The following P2RY2 variants were observed in gnomAD, a reference collection of about 807,000 sequenced individuals.
P2RY2 encodes purinergic receptor P2Y2.
For missense variants in P2RY2, 567 were observed against 515.7 expected (o/e 1.10, Z -0.96); for synonymous variants, 241 against 231.9 (o/e 1.04, Z -0.35).
intron 1 of P2RY2, among the ~76,000 whole-genome samples, chr11:73,223,613 A>T (rs1227055449): frequency 2.0e-5 from 3 of 152,206 alleles, no homozygotes; most frequent in African/African-American, 4.8e-5. Flanking sequence ...AGGGGGGCTG[A>T]CTTCACCAAG....
At position 73,234,632 on chromosome 11, in the gene P2RY2, G is replaced by C. The variant is rs748004824; in HGVS notation, c.473G>C (p.Trp158Ser). ...RYARRVAGAV[W>S]VLVLACQAPV... is the part of the protein sequence containing the mutation. ...GCTCGCCGGGTGGCCGGGGCCGTGT[G>C]GGTGTTGGTGCTGGCCTGCCAGGCC... The change falls in exon 3 of 3, where the codon TGG (tryptophan) becomes TCG (serine). Residue 158 changes from tryptophan (W) to serine (S), a missense_variant. Physicochemically the swap from Trp to Ser is radical, Grantham distance 177. Coordinates refer to ENST00000393597, the MANE Select transcript of P2RY2 (RefSeq NM_002564.4). 1 of 1,573,032 alleles carries C rather than the reference G, an allele frequency of 6.4e-7. No homozygotes were observed. Among genetic ancestry groups the C allele is most frequent in the Non-Finnish European group, 8.6e-7 (1 of 1,158,700 alleles).
Position 73,238,452 on chromosome 11 carries a change from A to G in P2RY2, c.*3159A>G, listed in dbSNP as rs1464921040. Among the ~76,000 whole-genome samples the G allele has an allele frequency of 6.6e-6, 1 of 152,180 alleles. No individual in the cohort carries two copies. The highest frequency in any genetic ancestry group is 1.5e-5 in the Non-Finnish European group (1 of 68,026). On this transcript the variant is annotated 3_prime_UTR_variant, in exon 3 of 3. Coordinates refer to ENST00000393597, the MANE Select transcript of P2RY2 (RefSeq NM_002564.4). ...CCCACTTTCACCCCCTGAGGTTAGA[A>G]GAGGCCCTAAGCAACATGTTATCCA...
chr11:73,225,774 G>A (rs1036773184), intron 1 of P2RY2, among the ~76,000 whole-genome samples: 3 of 143,784 alleles, frequency 2.1e-5, no homozygotes, highest in African/African-American at 5.3e-5. Context: ...AAGGGAGGCC[G>A]TCTCTGAGCA....
At position 73,239,361 on chromosome 11, in the gene P2RY2, C is replaced by T. The variant is rs1591644786; in HGVS notation, c.*4068C>T. 2.0e-5 allele frequency: 3 copies of T among 152,284 alleles called. No homozygotes were observed. Among genetic ancestry groups the T allele is most frequent in the East Asian group, 3.8e-4 (2 of 5,198 alleles). The allele number at this position is 152,284 out of a possible 1,614,324, so 9.4% of individuals were successfully genotyped here. A position where few individuals can be genotyped will look rare whatever the true frequency, so the allele number is the denominator to read the frequency against. The stretch of plus-strand genomic sequence containing the variant: ...GCTTGGCAGTAGGTGGATTTCAGGA[C>T]CATGGGCCTGTGCTGTTTACAGAAC... On this transcript the variant is annotated 3_prime_UTR_variant, in exon 3 of 3. Coordinates refer to ENST00000393597, the MANE Select transcript of P2RY2 (RefSeq NM_002564.4).
intron 1 of P2RY2, among the ~76,000 whole-genome samples, chr11:73,224,416 C>A (rs150836064): frequency 3.5e-4 from 54 of 152,356 alleles, no homozygotes; most frequent in African/African-American, 1.2e-3. Context: ...CAGGCGCTCT[C>A]TCCTCCAGGA....
At chr11:73,227,697 G>A (rs987930915) in intron 1 of P2RY2, among the ~76,000 whole-genome samples, 1 of 152,200 alleles carries the variant, frequency 6.6e-6, no homozygotes, top group Non-Finnish European at 1.5e-5. Context: ...GAGGCTTGGA[G>A]GCTTGGCTCA....
rs141485889 is a variant in P2RY2, at chr11:73,235,256, C to A, written c.1097C>A (p.Pro366Gln). The A allele has an allele frequency of 1.3e-6, 2 of 1,585,228 alleles. No homozygotes were observed. The highest frequency in any genetic ancestry group is 1.8e-5 in the Admixed American group (1 of 55,418). ...SEDSRRTEST[P>Q]AGSENTKDIR... ...GACTCTAGGCGGACAGAGTCCACGC[C>A]GGCTGGTAGCGAGAACACTAAGGAC... Residue 366 changes from proline (P) to glutamine (Q), a missense_variant, in exon 3 of 3, where the codon CCG (proline) becomes CAG (glutamine). By Grantham distance (76) the Pro-to-Gln change is moderately conservative. Coordinates refer to ENST00000393597, the MANE Select transcript of P2RY2 (RefSeq NM_002564.4).
rs1862696764 is a variant in P2RY2, at chr11:73,238,080, G to A, written c.*2787G>A. On this transcript the variant is annotated 3_prime_UTR_variant, in exon 3 of 3. Coordinates refer to ENST00000393597, the MANE Select transcript of P2RY2 (RefSeq NM_002564.4). Reference sequence around the variant, plus strand: ...CAGCCCAGCTGCAGACTCAAGGCCAGAGATGGGCAGGGCTGAGCCCAAGGT... The same window carrying A: ...CAGCCCAGCTGCAGACTCAAGGCCAAAGATGGGCAGGGCTGAGCCCAAGGT... Among the ~76,000 whole-genome samples the A allele has an allele frequency of 1.3e-5, 2 of 152,212 alleles. No homozygotes were observed. The highest frequency in any genetic ancestry group is 4.1e-4 in the South Asian group (2 of 4,832).
chr11:73,226,323 A>T (rs185064044), intron 1 of P2RY2, among the ~76,000 whole-genome samples: 14 of 152,260 alleles, frequency 9.2e-5, no homozygotes, highest in South Asian at 4.1e-4. Context: ...TTTTCTAAGG[A>T]GGAGGAGACA....
In P2RY2 at chr11:73,234,686, C is replaced by T. The variant is rs1315795259; in HGVS notation, c.527C>T (p.Ala176Val). The change falls in exon 3 of 3, where the codon GCG (alanine) becomes GTG (valine). Residue 176 changes from alanine to valine, a missense_variant. Coordinates refer to ENST00000393597, the MANE Select transcript of P2RY2 (RefSeq NM_002564.4). ...APVLYFVTTSARGGRVTCHDT... is the reference protein window; with the variant it reads ...APVLYFVTTSVRGGRVTCHDT... Reference sequence around the variant, plus strand: ...GTGCTCTACTTTGTCACCACCAGCGCGCGCGGGGGCCGCGTAACCTGCCAC... The same window carrying T: ...GTGCTCTACTTTGTCACCACCAGCGTGCGCGGGGGCCGCGTAACCTGCCAC... 4 of 1,601,822 alleles carry T rather than the reference C, an allele frequency of 2.5e-6. No individual in the cohort carries two copies. The highest frequency in any genetic ancestry group is 3.4e-6 in the Non-Finnish European group (4 of 1,175,192).
intron 1 of P2RY2, among the ~76,000 whole-genome samples, chr11:73,218,975 C>G (rs1054692789): frequency 6.6e-6 from 1 of 152,152 alleles, no homozygotes; most frequent in Non-Finnish European, 1.5e-5. Context: ...ACAGTTAAGC[C>G]TCTGTCCCCG....
rs1344751925 is a variant in P2RY2 at position 73,235,064 on chromosome 11, A to T, written c.905A>T (p.Asp302Val). 1 of 1,607,492 alleles carries T rather than the reference A, an allele frequency of 6.2e-7. No homozygotes were observed. Among genetic ancestry groups the T allele is most frequent in the Admixed American group, 1.7e-5 (1 of 59,952 alleles). ...CTGGCCAGTGCTAACAGTTGCCTTG[A>T]CCCCGTGCTCTACTTCCTGGCTGGG... Reference protein sequence around the residue: ...RPLASANSCLDPVLYFLAGQR... With the variant: ...RPLASANSCLVPVLYFLAGQR... Residue 302 changes from aspartate (D) to valine (V), a missense_variant, in exon 3 of 3, where the codon GAC becomes GTC. Coordinates refer to ENST00000393597, the MANE Select transcript of P2RY2 (RefSeq NM_002564.4).
Position 73,228,594 on chromosome 11 carries a change from C to T in P2RY2, c.-5+419C>T, listed in dbSNP as rs193085075. On this transcript the variant is annotated intron_variant, in intron 2 of 2. Transcript: ENST00000393597. ...CTCCAGAGCGCCCATGTCCAATCCCCTCCCACTGGCACTTCCCTGACCTGT... is the reference window on the plus strand; with the variant it reads ...CTCCAGAGCGCCCATGTCCAATCCCTTCCCACTGGCACTTCCCTGACCTGT... Among the ~76,000 whole-genome samples, 173 of 152,278 alleles carry T rather than the reference C, an allele frequency of 1.1e-3. 3 individuals carry two copies. Among genetic ancestry groups the T allele is most frequent in the Non-Finnish European group, 1.1e-3 (73 of 68,022 alleles).
At position 73,236,289 on chromosome 11, in the gene P2RY2, C is replaced by A; in HGVS notation, c.*996C>A. 1 of 622,516 alleles carries A rather than the reference C, an allele frequency of 1.6e-6. No individual in the cohort carries two copies. Among genetic ancestry groups the A allele is most frequent in the Non-Finnish European group, 2.1e-6 (1 of 484,524 alleles). The allele number at this position is 622,516 out of a possible 1,614,324, so 38.6% of individuals were successfully genotyped here. Reference sequence around the variant, plus strand: ...CCTTCTTTGTAGAACTGCCCATTTCCATGGTGCAAAAACTCTTATGGCCAA... The same window carrying A: ...CCTTCTTTGTAGAACTGCCCATTTCAATGGTGCAAAAACTCTTATGGCCAA... On this transcript the variant is annotated 3_prime_UTR_variant, in exon 3 of 3. Transcript: ENST00000393597.
At chr11:73,233,038 C>T (rs73538720) in intron 2 of P2RY2, among the ~76,000 whole-genome samples, 18,688 of 152,128 alleles carry the variant, frequency 0.12, 2,955 homozygotes, top group African/African-American at 0.37. Flanking sequence ...GTTATATGCT[C>T]AGTGGGGACA....
rs759758912 is a variant in P2RY2, at chr11:73,234,658, C to T, written c.499C>T (p.Pro167Ser). ...VWVLVLACQA[P>S]VLYFVTTSAR... is the part of the protein sequence containing the mutation. Reference sequence around the variant, plus strand: ...GGTGTTGGTGCTGGCCTGCCAGGCCCCCGTGCTCTACTTTGTCACCACCAG... The same window carrying T: ...GGTGTTGGTGCTGGCCTGCCAGGCCTCCGTGCTCTACTTTGTCACCACCAG... Residue 167 changes from proline (P) to serine (S), a missense_variant, in exon 3 of 3, where the codon CCC becomes TCC. Transcript: ENST00000393597. 1.3e-6 allele frequency: 2 copies of T among 1,585,550 alleles called. No individual in the cohort carries two copies. Among genetic ancestry groups the T allele is most frequent in the Non-Finnish European group, 1.7e-6 (2 of 1,165,076 alleles).
At position 73,236,960 on chromosome 11, in the gene P2RY2, T is replaced by C. The variant is rs759064805; in HGVS notation, c.*1667T>C. ...CTTGATCTCAAGGACAGGGACTCCC[T>C]CCTCTCCCTCTGGGAGAGCCCTCGC... is the stretch of plus-strand genomic sequence containing the variant. On this transcript the variant is annotated 3_prime_UTR_variant, in exon 3 of 3. Transcript: ENST00000393597. The C allele has an allele frequency of 3.0e-6, 3 of 985,000 alleles. No homozygotes were observed. Among genetic ancestry groups the C allele is most frequent in the African/African-American group, 1.8e-5 (1 of 57,138 alleles). 61.0% of individuals were successfully genotyped at this position (985,000 alleles called of 1,614,324 possible).
At chr11:73,228,811 A>G (rs1233044923) in intron 2 of P2RY2, among the ~76,000 whole-genome samples, 3 of 152,162 alleles carry the variant, frequency 2.0e-5, no homozygotes, top group Non-Finnish European at 4.4e-5. Flanking sequence ...AGTAATTTGT[A>G]AGTAACTTGA....
chr11:73,226,111 G>A (rs61674789), intron 1 of P2RY2, among the ~76,000 whole-genome samples: 5,509 of 152,258 alleles, frequency 0.036, 257 homozygotes, highest in African/African-American at 0.11. Context: ...TGTGGGGACC[G>A]CGTAGTGCAT....
Sources: gnomAD v4.1 joint callset for allele counts (sites outside exome capture counted in the v4.1 genomes callset) on GRCh38, gnomAD v4.1.1 for gene constraint, MANE v1.5 for transcripts, NCBI Gene and HGNC (gene_info 2026-07-23, HGNC 2026-07-21) for gene names.